Variants in GALNTL6 observed in about 807,000 individuals in gnomAD.
GALNTL6 encodes polypeptide N-acetylgalactosaminyltransferase like 6.
GALNTL6 carries 46 observed loss-of-function variants against 73.7 expected under a neutral mutation model. That is an observed-to-expected ratio of 0.62 (90% CI 0.49 to 0.80). The LOEUF is 0.80. GALNTL6 is among the 30% of genes least tolerant of loss of function. The pLI is 0.00. For missense variants in GALNTL6, 604 were observed against 755.0 expected, an observed-to-expected ratio of 0.80 and a Z score of 2.34; for synonymous variants, 259 against 263.7, an observed-to-expected ratio of 0.98 and a Z score of 0.17.
At chr4:172,354,623 G>T (rs994813378) in intron 5 of GALNTL6, among the ~76,000 whole-genome samples, 1 of 152,036 alleles carries the variant, frequency 6.6e-6, no homozygotes, top group Non-Finnish European at 1.5e-5. Flanking sequence ...AGGGGTAAAA[G>T]TTTGGGAAGT....
chr4:172,788,604 G>A (rs1052141327), intron 5 of GALNTL6, among the ~76,000 whole-genome samples: 1 of 150,726 alleles, frequency 6.6e-6, no homozygotes, highest in Admixed American at 6.6e-5. Context: ...ACCGGGAGGC[G>A]GAGCTTGCAG....
intron 11 of GALNTL6, among the ~76,000 whole-genome samples, chr4:173,010,560 C>T (rs1437108738): frequency 6.6e-6 from 1 of 151,796 alleles, no homozygotes; most frequent in African/African-American, 2.4e-5. Flanking sequence ...CATGATAGCT[C>T]AATTTTTAGT....
chr4:172,867,095 G>T (rs909326375), intron 7 of GALNTL6, among the ~76,000 whole-genome samples: 1 of 152,194 alleles, frequency 6.6e-6, no homozygotes, highest in African/African-American at 2.4e-5. Flanking sequence ...GGAATTTTCA[G>T]AATCTTCTGA....
At chr4:172,369,030 G>A (rs1415868148) in intron 5 of GALNTL6, among the ~76,000 whole-genome samples, 2 of 152,170 alleles carry the variant, frequency 1.3e-5, no homozygotes, top group Non-Finnish European at 2.9e-5. Flanking sequence ...TGTGGAAGGG[G>A]ACCTGAGCAG....
intron 5 of GALNTL6, among the ~76,000 whole-genome samples, chr4:172,791,574 C>A: frequency 6.6e-6 from 1 of 152,122 alleles, no homozygotes; most frequent in Non-Finnish European, 1.5e-5. Context: ...AGAAAATGCT[C>A]TAAGAGGGGT....
chr4:171,969,337 G>A (rs376211187), intron 2 of GALNTL6, among the ~76,000 whole-genome samples: 10 of 152,252 alleles, frequency 6.6e-5, no homozygotes, highest in African/African-American at 2.4e-4. Flanking sequence ...GCAAACACTG[G>A]AATATAACAG....
At chr4:172,790,152 G>A (rs1739913792) in intron 5 of GALNTL6, among the ~76,000 whole-genome samples, 1 of 152,240 alleles carries the variant, frequency 6.6e-6, no homozygotes, top group Admixed American at 6.5e-5. Flanking sequence ...CAGGGCGTCT[G>A]CAGAAAAAGC....
At chr4:172,059,613 C>T (rs1009266416) in intron 2 of GALNTL6, among the ~76,000 whole-genome samples, 1 of 151,616 alleles carries the variant, frequency 6.6e-6, no homozygotes, top group Admixed American at 6.6e-5. Context: ...AGATTTAACA[C>T]AACAAAAAAG....
At chr4:172,582,167 A>G (rs1271018162) in intron 5 of GALNTL6, among the ~76,000 whole-genome samples, 1 of 152,216 alleles carries the variant, frequency 6.6e-6, no homozygotes, top group Non-Finnish European at 1.5e-5. Context: ...ATGACAACAC[A>G]AGGTAAGCAT....
intron 5 of GALNTL6, among the ~76,000 whole-genome samples, chr4:172,403,887 G>A (rs1246366667): frequency 1.3e-5 from 2 of 151,892 alleles, no homozygotes; most frequent in Non-Finnish European, 2.9e-5. Context: ...CTGGAATATA[G>A]AAATAAAGTG....
In GALNTL6 at chr4:172,347,258, G is replaced by A. The variant is rs181419668; in HGVS notation, c.387-1265G>A. ...TCCCACCTTGGCCTCCCAAAGTGCC[G>A]GGATTGCAGCCATGAGCCACTGTGC... On this transcript the variant is annotated intron_variant, in intron 4 of 12. Transcript: ENST00000506823. Among the ~76,000 whole-genome samples, 15 of 152,192 alleles carry A rather than the reference G, an allele frequency of 9.9e-5. No individual in the cohort carries two copies. In the East Asian group the frequency reaches 1.4e-3, roughly 14 times the overall value.
At chr4:172,424,774 T>C (rs1426471569) in intron 5 of GALNTL6, among the ~76,000 whole-genome samples, 2 of 152,098 alleles carry the variant, frequency 1.3e-5, no homozygotes, top group African/African-American at 4.8e-5. Context: ...CTTATTCCAT[T>C]GGCTAGAACT....
chr4:172,173,864 C>T (rs1221000239), intron 2 of GALNTL6, among the ~76,000 whole-genome samples: 1 of 152,024 alleles, frequency 6.6e-6, no homozygotes, highest in Non-Finnish European at 1.5e-5. Flanking sequence ...GAAAATGGCC[C>T]GTGTGGCTAA....
At chr4:172,810,155 G>A (rs1015201209) in intron 6 of GALNTL6, among the ~76,000 whole-genome samples, 4 of 152,178 alleles carry the variant, frequency 2.6e-5, no homozygotes, top group African/African-American at 9.7e-5. Flanking sequence ...ACACAGTGCA[G>A]CTGTCCAGGT....
chr4:172,834,381 C>T (rs11944071), intron 7 of GALNTL6, among the ~76,000 whole-genome samples: 40,269 of 152,124 alleles, frequency 0.26, 7,262 homozygotes, highest in African/African-American at 0.5. Flanking sequence ...GTATGGATGG[C>T]GTTGCCCATT....
intron 5 of GALNTL6, among the ~76,000 whole-genome samples, chr4:172,595,916 T>C (rs1382172473): frequency 6.6e-6 from 1 of 152,144 alleles, no homozygotes. Flanking sequence ...TCCAACTTTG[T>C]AAGTACAGTT....
At chr4:171,868,655 G>A (rs747508558) in intron 2 of GALNTL6, among the ~76,000 whole-genome samples, 3 of 151,936 alleles carry the variant, frequency 2.0e-5, no homozygotes, top group Non-Finnish European at 4.4e-5. Flanking sequence ...TTCTTGAATC[G>A]AGCCTTCTCC....
intron 5 of GALNTL6, among the ~76,000 whole-genome samples, chr4:172,609,625 CTGTGTGTGTGTG>C (rs35490374): frequency 7.5e-5 from 7 of 92,778 alleles, no homozygotes; most frequent in African/African-American, 2.7e-4. Flanking sequence ...CTCTCTCTCT[CTGTGTGTGTGTG>C]TGTGTGTGTG....
chr4:171,983,607 T>C (rs1739981716), intron 2 of GALNTL6, among the ~76,000 whole-genome samples: 2 of 152,080 alleles, frequency 1.3e-5, no homozygotes. Flanking sequence ...TCCTCTCACC[T>C]GAGCCTCCCA....
Sources: gnomAD v4.1 joint callset for allele counts (sites outside exome capture counted in the v4.1 genomes callset) on GRCh38, gnomAD v4.1.1 for gene constraint, MANE v1.5 for transcripts, NCBI Gene and HGNC (gene_info 2026-07-23, HGNC 2026-07-21) for gene names.